TONSL: variants seen among roughly 807,000 people sequenced by gnomAD.
The protein encoded by TONSL is tonsoku-like protein.
TONSL carries 112 observed loss-of-function variants against 147.1 expected under a neutral mutation model. The observed-to-expected ratio is 0.76, with a 90% CI of 0.65 to 0.89. TONSL has a LOEUF of 0.89. Among genes scored for constraint, TONSL ranks in the 40% least tolerant of loss-of-function variants. TONSL has a pLI of 0.00. For synonymous variants in TONSL, 868 were observed against 801.5 expected, an observed-to-expected ratio of 1.08 and a Z score of -1.40; for missense variants, 1,883 against 1,864.6, an observed-to-expected ratio of 1.01 and a Z score of -0.18.
chr8:144,434,036 A>G lies in TONSL; in HGVS notation c.3329T>C (p.Leu1110Pro). 1 of 1,609,584 alleles carries G rather than the reference A, an allele frequency of 6.2e-7. No individual in the cohort carries two copies. The highest frequency in any genetic ancestry group is 8.5e-7 in the Non-Finnish European group (1 of 1,177,758). Residue 1110 changes from leucine (L) to proline (P), a missense_variant, in exon 21 of 26, where the codon CTG becomes CCG. Physicochemically the swap from Leu to Pro is moderately conservative, Grantham distance 98. Transcript: ENST00000409379. ...LALLDLSSNHLGPEGLRQLAM... is the reference protein window; with the variant it reads ...LALLDLSSNHPGPEGLRQLAM... ...AAGCTGGCGCAGGCCTTCGGGACCC[A>G]GGTGATTGGAGGAGAGGTCAAGGAG...
At chr8:144,441,863 G>A in intron 7 of TONSL, 174 bp downstream of exon 7, 1 of 587,220 alleles carries the variant, frequency 1.7e-6, no homozygotes. Context: ...GTCTTCTCCT[G>A]TCAGGAAGTA....
At position 144,429,035 on chromosome 8, in the gene TONSL, C is replaced by T. The variant is rs1300548987; in HGVS notation, c.*108G>A. On this transcript the variant is annotated 3_prime_UTR_variant, in exon 26 of 26. Transcript: ENST00000409379. ...CGATCTCCTGACCTCGTGATCCGCC[C>T]GCCTGGGCCTCCCAAAGTGTTGGGA... The T allele has an allele frequency of 7.8e-7, 1 of 1,285,032 alleles. No individual in the cohort carries two copies. The highest frequency in any genetic ancestry group is 1.0e-6 in the Non-Finnish European group (1 of 974,640). The allele number at this position is 1,285,032 out of a possible 1,614,324, so 79.6% of individuals were successfully genotyped here. A position where few individuals can be genotyped will look rare whatever the true frequency, so the allele number is the denominator to read the frequency against.
chr8:144,429,612 A>G (rs559925537), intron 25 of TONSL, among the ~76,000 whole-genome samples: 1 of 152,300 alleles, frequency 6.6e-6, no homozygotes, highest in South Asian at 2.1e-4. Flanking sequence ...CTCCCCACCC[A>G]TAAGAAGGAC....
chr8:144,438,731 G>C lies in TONSL; in HGVS notation c.1485C>G (p.Asp495Glu). The C allele has an allele frequency of 2.5e-6, 4 of 1,612,916 alleles. No individual in the cohort carries two copies. Among genetic ancestry groups the C allele is most frequent in the Non-Finnish European group, 3.4e-6 (4 of 1,179,828 alleles). The change falls in exon 12 of 26, where the codon GAC (aspartate) becomes GAG (glutamate). Residue 495 changes from aspartate to glutamate, a missense_variant. Asp to Glu is a conservative substitution (Grantham distance 45). Coordinates refer to ENST00000409379, the MANE Select transcript of TONSL (RefSeq NM_013432.5). Reference protein sequence around the residue: ...AGEVELSEGEDDTDGLTPQLE... With the variant: ...AGEVELSEGEEDTDGLTPQLE... ...GCTGCGGGGTCAGGCCATCGGTGTC[G>C]TCCTCTGGAACAGAGCCAAGCCCAC...
chr8:144,433,260 TAG>T lies in TONSL; in HGVS notation c.3559+326_3559+327del, dbSNP rs374763684. The T allele has an allele frequency of 1.7e-3, 367 of 211,516 alleles. 3 individuals are homozygous for T. The highest frequency in any genetic ancestry group is 2.5e-3 in the African/African-American group (108 of 42,622). The allele number at this position is 211,516 out of a possible 1,614,324, so 13.1% of individuals were successfully genotyped here. ...CACGCCCAGCTAATTGTATTTTTAATAGAGACGGCGTTTCACCGTGTTAGCCA... is the reference window on the plus strand; with the variant it reads ...CACGCCCAGCTAATTGTATTTTTAATAGACGGCGTTTCACCGTGTTAGCCA... On this transcript the variant is annotated intron_variant, in intron 22 of 25. Transcript: ENST00000409379.
intron 4 of TONSL, 103 bp from the exon 5 acceptor site, chr8:144,442,909 C>G (rs921578388): frequency 2.6e-5 from 38 of 1,449,222 alleles, no homozygotes; most frequent in Non-Finnish European, 3.4e-5. Context: ...TACCCCCTCC[C>G]TCCTCCCGAG....
At position 144,442,069 on chromosome 8, in the gene TONSL, T is replaced by C. The variant is rs1823740762; in HGVS notation, c.833A>G (p.Gln278Arg). 6.2e-7 allele frequency: 1 copy of C among 1,612,738 alleles called. No homozygotes were observed. The highest frequency in any genetic ancestry group is 1.7e-5 in the Admixed American group (1 of 59,996). Residue 278 changes from glutamine to arginine, a missense_variant, in exon 7 of 26, where the codon CAG becomes CGG. Physicochemically the swap from Gln to Arg is conservative, Grantham distance 43. Coordinates refer to ENST00000409379, the MANE Select transcript of TONSL (RefSeq NM_013432.5). The stretch of plus-strand genomic sequence containing the variant: ...GAGGTTCTGACAGATGGCTGCCCTC[T>C]GCACAGGCTTCTGGGAGCCCAGCCT... ...AYRLGSQKPV[Q>R]RAAICQNLQH...
chr8:144,435,738 C>T lies in TONSL; in HGVS notation c.2695G>A (p.Ala899Thr). 1 of 1,612,686 alleles carries T rather than the reference C, an allele frequency of 6.2e-7. No homozygotes were observed. ...CTGGGGCTCCCTGGAGGTTCTGAAG[C>T]CAGGCTGCTGGGCCCTGCGTTAACT... ...APVNAGPSSL[A>T]SEPPGSPSTP... The change falls in exon 17 of 26, where the codon GCT becomes ACT. Residue 899 changes from alanine to threonine, a missense_variant. Ala to Thr is a moderately conservative substitution (Grantham distance 58, BLOSUM62 0). Transcript: ENST00000409379.
At chr8:144,433,237 C>T (rs904578211) in intron 22 of TONSL, 49 of 194,410 alleles carry the variant, frequency 2.5e-4, no homozygotes, top group African/African-American at 9.5e-4. Flanking sequence ...CCGGCCACCA[C>T]GCCCAGCTAA....
intron 3 of TONSL, 162 bp from the exon 4 acceptor site, chr8:144,443,483 AG>A (rs1411159345): frequency 1.4e-6 from 1 of 695,194 alleles, no homozygotes; most frequent in Non-Finnish European, 2.4e-6. Flanking sequence ...CTGCATGCCA[AG>A]GGCTCTCTGT....
rs1287388176 is a variant in TONSL at position 144,444,258 on chromosome 8, C to T, written c.43G>A (p.Ala15Thr). ...CGCTGCCCGGCCCTCTGCGCCTTGGCTTTCGCCTTGCTCAGCTCTGTGGGA... is the reference window on the plus strand; with the variant it reads ...CGCTGCCCGGCCCTCTGCGCCTTGGTTTTCGCCTTGCTCAGCTCTGTGGGA... ...RELRQLSKAK[A>T]KAQRAGQRRE... The change falls in exon 2 of 26, where the codon GCC becomes ACC. Residue 15 changes from alanine (A) to threonine (T), a missense_variant. Physicochemically the swap from Ala to Thr is moderately conservative, Grantham distance 58. Transcript: ENST00000409379. The T allele has an allele frequency of 3.4e-6, 5 of 1,454,160 alleles. No individual in the cohort carries two copies. In the African/African-American group the frequency reaches 5.9e-5, roughly 17 times the overall value. The allele number at this position is 1,454,160 out of a possible 1,614,324, so 90.1% of individuals were successfully genotyped here.
chr8:144,440,891 G>A, intron 8 of TONSL, 21 bp from the exon 9 acceptor site: 13 of 1,612,562 alleles, frequency 8.1e-6, no homozygotes, highest in Non-Finnish European at 1.1e-5. Flanking sequence ...TGCCAGTGAG[G>A]CCAGGGGCTG....
chr8:144,443,799 G>A, intron 3 of TONSL, 83 bp downstream of exon 3: 1 of 1,510,586 alleles, frequency 6.6e-7, no homozygotes. Flanking sequence ...CGAGGCTCCT[G>A]ACGGCGAAGA....
rs932007659 is a variant in TONSL at position 144,444,234 on chromosome 8, G to A, written c.67C>T (p.Arg23Trp). Reference protein sequence around the residue: ...AKAKAQRAGQRREEAALCHQL... With the variant: ...AKAKAQRAGQWREEAALCHQL... Reference sequence around the variant, plus strand: ...TGGCACAGCGCGGCCTCTTCGCGCCGCTGCCCGGCCCTCTGCGCCTTGGCT... The same window carrying A: ...TGGCACAGCGCGGCCTCTTCGCGCCACTGCCCGGCCCTCTGCGCCTTGGCT... Residue 23 changes from arginine (R) to tryptophan (W), a missense_variant, in exon 2 of 26, where the codon CGG becomes TGG. Arg to Trp is a moderately radical substitution (Grantham distance 101). Transcript: ENST00000409379. 1.8e-5 allele frequency: 26 copies of A among 1,457,150 alleles called. No homozygotes were observed. Among genetic ancestry groups the A allele is most frequent in the Middle Eastern group, 4.5e-4 (2 of 4,434 alleles). 90.3% of individuals were successfully genotyped at this position (1,457,150 alleles called of 1,614,324 possible).
At chr8:144,443,375 G>A in intron 3 of TONSL, 54 bp from the exon 4 acceptor site, 1 of 1,488,982 alleles carries the variant, frequency 6.7e-7, no homozygotes, top group Admixed American at 2.0e-5. Context: ...AAGCAAACCG[G>A]CACCGCCAGA....
chr8:144,436,460 C>T (rs1399973357), intron 16 of TONSL, 42 bp from the exon 17 acceptor site: 1 of 1,541,972 alleles, frequency 6.5e-7, no homozygotes, highest in Admixed American at 1.8e-5. Flanking sequence ...GGCCCGGCAC[C>T]TCCCGCTCCA....
At position 144,442,786 on chromosome 8, in the gene TONSL, G is replaced by T; in HGVS notation, c.469C>A (p.Leu157Met). The T allele has an allele frequency of 6.2e-7, 1 of 1,612,354 alleles. No homozygotes were observed. Among genetic ancestry groups the T allele is most frequent in the Non-Finnish European group, 8.5e-7 (1 of 1,179,742 alleles). The change falls in exon 5 of 26, where the codon CTG becomes ATG. Residue 157 changes from leucine (L) to methionine (M), a missense_variant. Coordinates refer to ENST00000409379, the MANE Select transcript of TONSL (RefSeq NM_013432.5). ...ELEGTLAQGE[L>M]NEMRTRLYLN... Reference sequence around the variant, plus strand: ...TAGAGGCGGGTCCTCATCTCATTCAGCTCTCCCTGGGCCAGTGTCCCTGGA... The same window carrying T: ...TAGAGGCGGGTCCTCATCTCATTCATCTCTCCCTGGGCCAGTGTCCCTGGA...
At position 144,436,332 on chromosome 8, in the gene TONSL, G is replaced by C. The variant is rs762444134; in HGVS notation, c.2101C>G (p.Pro701Ala). Residue 701 changes from proline to alanine, a missense_variant, in exon 17 of 26, where the codon CCC (proline) becomes GCC (alanine). Coordinates refer to ENST00000409379, the MANE Select transcript of TONSL (RefSeq NM_013432.5). ...TSPPLSPCPE[P>A]PSNSTRLPEA... ...GGGAGTCTAGTGCTATTAGAGGGGG[G>C]TTCTGGGCAGGGGCTCAAAGGAGGA... The C allele has an allele frequency of 2.0e-6, 3 of 1,502,906 alleles. No individual in the cohort carries two copies. The highest frequency in any genetic ancestry group is 2.6e-6 in the Non-Finnish European group (3 of 1,133,192). The allele number at this position is 1,502,906 out of a possible 1,614,324, so 93.1% of individuals were successfully genotyped here. A position where few individuals can be genotyped will look rare whatever the true frequency, so the allele number is the denominator to read the frequency against.
intron 18 of TONSL, 149 bp from the exon 19 acceptor site, chr8:144,435,319 C>T (rs1823395761): frequency 1.6e-6 from 2 of 1,250,140 alleles, no homozygotes; most frequent in Admixed American, 2.9e-5. Flanking sequence ...CAGCCCAGCA[C>T]ACCACCAGCC....
Sources: gnomAD v4.1 joint callset for allele counts (sites outside exome capture counted in the v4.1 genomes callset) on GRCh38, gnomAD v4.1.1 for gene constraint, MANE v1.5 for transcripts, NCBI Gene and HGNC (gene_info 2026-07-23, HGNC 2026-07-21) for gene names.